DGKI: variants seen among roughly 807,000 people sequenced by gnomAD.
DGKI encodes diacylglycerol kinase iota.
A neutral mutation model predicts 147.5 loss-of-function variants in DGKI; 55 were observed. The ratio of observed to expected loss-of-function variants is 0.37; its 90% confidence interval spans 0.30 to 0.47. DGKI has a LOEUF of 0.47. Among genes scored for constraint, DGKI ranks in the 20% least tolerant of loss-of-function variants. The probability of loss-of-function intolerance (pLI) is 1.00; values close to 1 mark genes in which losing one functional copy is unlikely to be tolerated. For synonymous variants in DGKI, 469 were observed against 477.1 expected (o/e 0.98, Z 0.22); for missense variants, 1,007 against 1,323.8 (o/e 0.76, Z 3.71).
intron 19 of DGKI, among the ~76,000 whole-genome samples, chr7:137,567,839 A>T (rs989671569): frequency 2.6e-5 from 4 of 152,194 alleles, no homozygotes; most frequent in Admixed American, 1.3e-4. Context: ...ATTTCGAATT[A>T]TTGATGGATA....
chr7:137,477,287 T>G (rs1194137296), intron 23 of DGKI, among the ~76,000 whole-genome samples: 2 of 152,224 alleles, frequency 1.3e-5, no homozygotes, highest in Non-Finnish European at 2.9e-5. Context: ...AAAAATCCAA[T>G]TACAGATTTT....
intron 1 of DGKI, among the ~76,000 whole-genome samples, chr7:137,724,832 T>C (rs1197662441): frequency 6.6e-6 from 1 of 152,092 alleles, no homozygotes; most frequent in East Asian, 1.9e-4. Flanking sequence ...AGCATATAAA[T>C]GGTATATAAA....
At chr7:137,593,796 T>C (rs1428161138) in intron 12 of DGKI, among the ~76,000 whole-genome samples, 6 of 152,360 alleles carry the variant, frequency 3.9e-5, no homozygotes, top group Non-Finnish European at 5.9e-5. Flanking sequence ...TTTACCTTTT[T>C]AAAAGTACCT....
intron 4 of DGKI, among the ~76,000 whole-genome samples, chr7:137,655,087 G>C (rs1822170227): frequency 6.6e-6 from 1 of 152,106 alleles, no homozygotes; most frequent in South Asian, 2.1e-4. Context: ...AAGAGCCAGA[G>C]GAAAGATACT....
In DGKI at chr7:137,604,720, C is replaced by A. The variant is rs144321926; in HGVS notation, c.1167+4246G>T. Among the ~76,000 whole-genome samples the A allele has an allele frequency of 1.2e-4, 18 of 152,248 alleles. No individual in the cohort carries two copies. The East Asian group carries it at 3.3e-3, about 28-fold the overall frequency. On this transcript the variant is annotated intron_variant, in intron 10 of 32. Coordinates refer to ENST00000614521, the MANE Select transcript of DGKI (RefSeq NM_001321708.2). ...AATCATCCTAGAGGTCAGAACATTG[C>A]TTTACCCTGAAGTTAAAGTCTAGGT...
At chr7:137,687,246 G>C (rs967239291) in intron 2 of DGKI, among the ~76,000 whole-genome samples, 11 of 152,196 alleles carry the variant, frequency 7.2e-5, no homozygotes, top group African/African-American at 2.7e-4. Context: ...GCAAGAGACT[G>C]GAGTTCCCCC....
Position 137,391,164 on chromosome 7 carries a change from G to T in DGKI, c.*56C>A. 2 of 1,302,182 alleles carry T rather than the reference G, an allele frequency of 1.5e-6. No individual in the cohort carries two copies. Among genetic ancestry groups the T allele is most frequent in the Non-Finnish European group, 1.1e-6 (1 of 897,002 alleles). The allele number at this position is 1,302,182 out of a possible 1,614,324, so 80.7% of individuals were successfully genotyped here. On this transcript the variant is annotated 3_prime_UTR_variant, in exon 33 of 33. Coordinates refer to ENST00000614521, the MANE Select transcript of DGKI (RefSeq NM_001321708.2). Reference sequence around the variant, plus strand: ...CTTCTTCCAGGGGAGCTGCCCAATTGCAGGGAGGGCAGATGTGATACGCTT... The same window carrying T: ...CTTCTTCCAGGGGAGCTGCCCAATTTCAGGGAGGGCAGATGTGATACGCTT...
intron 1 of DGKI, among the ~76,000 whole-genome samples, chr7:137,740,465 A>G (rs189511139): frequency 1.6e-3 from 248 of 152,276 alleles, no homozygotes; most frequent in African/African-American, 5.8e-3. Context: ...TATGTCAGCA[A>G]TGGCAGGTGT....
chr7:137,753,371 G>C (rs1478971444), intron 1 of DGKI, among the ~76,000 whole-genome samples: 3 of 152,154 alleles, frequency 2.0e-5, no homozygotes, highest in African/African-American at 7.2e-5. Flanking sequence ...GGGATCCCTG[G>C]GAGAGTCTGC....
At chr7:137,517,209 T>TAAAGA (rs1443871765) in intron 21 of DGKI, among the ~76,000 whole-genome samples, 15 of 67,972 alleles carry the variant, frequency 2.2e-4, no homozygotes, top group Non-Finnish European at 3.8e-4. Flanking sequence ...AAAAGAAAAG[T>TAAAGA]AAAGAAAAGA....
intron 3 of DGKI, 85 bp downstream of exon 3, chr7:137,678,472 C>T: frequency 7.5e-7 from 1 of 1,336,984 alleles, no homozygotes; most frequent in South Asian, 1.2e-5. Flanking sequence ...TCGTTCAAAC[C>T]TCCCCTTGGA....
rs182110965 is a variant in DGKI at position 137,493,121 on chromosome 7, C to T, written c.2249-5432G>A. Among the ~76,000 whole-genome samples the T allele has an allele frequency of 4.0e-3, 604 of 152,276 alleles. 4 individuals carry two copies. Among genetic ancestry groups the T allele is most frequent in the African/African-American group, 0.014 (575 of 41,542 alleles). On this transcript the variant is annotated intron_variant, in intron 21 of 32. Coordinates refer to ENST00000614521, the MANE Select transcript of DGKI (RefSeq NM_001321708.2). ...ACTGTGCCACTGCTGCCAGCATGAG[C>T]GCAACCTGCCCCCATCCACCCAGCT...
intron 19 of DGKI, among the ~76,000 whole-genome samples, chr7:137,553,676 T>C (rs1646378): frequency 0.11 from 16,625 of 152,192 alleles, 2,045 homozygotes; most frequent in African/African-American, 0.3. Flanking sequence ...ATATTTTATA[T>C]ACACATGTGA....
chr7:137,788,412 ACTCAATTGCTC>A lies in DGKI; in HGVS notation c.401+58039_401+58049del, dbSNP rs376212705. ...CTGTCTTCCACTTCTAAACTGGAACACTCAATTGCTCCTCCTTCTGAACTTTTCAATGGTTC... is the reference window on the plus strand; with the variant it reads ...CTGTCTTCCACTTCTAAACTGGAACACTCCTTCTGAACTTTTCAATGGTTC... On this transcript the variant is annotated intron_variant, in intron 1 of 32. Coordinates refer to ENST00000614521, the MANE Select transcript of DGKI (RefSeq NM_001321708.2). 1.0e-3 allele frequency among the ~76,000 whole-genome samples: 159 copies of A among 151,938 alleles called. 3 individuals carry two copies. Among genetic ancestry groups the A allele is most frequent in the African/African-American group, 3.8e-3 (157 of 41,434 alleles).
intron 20 of DGKI, among the ~76,000 whole-genome samples, chr7:137,538,105 A>T (rs1346574263): frequency 6.6e-6 from 1 of 152,216 alleles, no homozygotes; most frequent in East Asian, 1.9e-4. Flanking sequence ...AAAGCTTTTC[A>T]AAAGATCTTC....
At chr7:137,546,415 T>G (rs760492198) in intron 20 of DGKI, among the ~76,000 whole-genome samples, 2 of 152,170 alleles carry the variant, frequency 1.3e-5, no homozygotes, top group Non-Finnish European at 2.9e-5. Context: ...CCATCAGGTT[T>G]CCCCAGGCTT....
intron 1 of DGKI, among the ~76,000 whole-genome samples, chr7:137,701,252 A>C (rs1823973271): frequency 6.6e-6 from 1 of 152,218 alleles, no homozygotes; most frequent in Non-Finnish European, 1.5e-5. Context: ...AATGGTACAG[A>C]ACTGAGTATC....
At chr7:137,609,448 A>C in intron 9 of DGKI, 87 bp downstream of exon 9, 1 of 1,001,236 alleles carries the variant, frequency 1.0e-6, no homozygotes, top group African/African-American at 1.6e-5. Context: ...TAGATCAGAA[A>C]AATCAACTTG....
At chr7:137,790,548 A>C (rs780724572) in intron 1 of DGKI, among the ~76,000 whole-genome samples, 6 of 152,236 alleles carry the variant, frequency 3.9e-5, no homozygotes, top group African/African-American at 7.2e-5. Flanking sequence ...TGACGCACTA[A>C]TCAATAAAGC....
Sources: allele counts gnomAD v4.1 joint callset (sites outside exome capture counted in the v4.1 genomes callset), GRCh38; gene constraint gnomAD v4.1.1; transcripts MANE v1.5; gene names NCBI Gene and HGNC (gene_info 2026-07-23, HGNC 2026-07-21).